The following PCDHGA7 variants were observed in gnomAD, a reference collection of about 807,000 sequenced individuals.
PCDHGA7 encodes the protein protocadherin gamma-A7.
In PCDHGA7, 44 loss-of-function variants were observed where a neutral mutation model predicts 58.3. The ratio of observed to expected loss-of-function variants is 0.75; its 90% CI spans 0.59 to 0.97. The LOEUF (loss-of-function observed/expected upper bound fraction) is 0.97. Ranked by LOEUF, PCDHGA7 falls within the 50% of genes least tolerant of loss-of-function variation. PCDHGA7 has a pLI of 0.00. For synonymous variants in PCDHGA7, 516 were observed against 504.2 expected (o/e 1.02, Z -0.31); for missense variants, 1,266 against 1,188.7 (o/e 1.06, Z -0.96).
Position 141,486,446 on chromosome 5 carries a change from G to T in PCDHGA7, c.2425-8361G>T. ...GGCCAAATCTAGCTATGACATCATGGTCACTGCTTCTGATGCTGGGAACCC... is the reference window on the plus strand; with the variant it reads ...GGCCAAATCTAGCTATGACATCATGTTCACTGCTTCTGATGCTGGGAACCC... On this transcript the variant is annotated intron_variant, in intron 1 of 3. Coordinates refer to ENST00000518325, the MANE Select transcript of PCDHGA7 (RefSeq NM_018920.4). The surrounding 1 kb of genome is among the most constrained non-coding windows in gnomAD (Gnocchi z 5.0). 2 of 1,614,126 alleles carry T rather than the reference G, an allele frequency of 1.2e-6. No individual in the cohort carries two copies. Among genetic ancestry groups the T allele is most frequent in the Non-Finnish European group, 1.7e-6 (2 of 1,180,004 alleles).
In PCDHGA7 at chr5:141,477,625, C is replaced by T; in HGVS notation, c.2425-17182C>T. ...TTCTCTTGGAGCAAGGAGCTGAAACCGGGCTAGTGGGTCGCTATTTCACAA... is the reference window on the plus strand; with the variant it reads ...TTCTCTTGGAGCAAGGAGCTGAAACTGGGCTAGTGGGTCGCTATTTCACAA... On this transcript the variant is annotated intron_variant, in intron 1 of 3. Coordinates refer to ENST00000518325, the MANE Select transcript of PCDHGA7 (RefSeq NM_018920.4). This position sits in a 1 kb window ranked among gnomAD's most constrained non-coding sequence, Gnocchi z 4.9. The T allele has an allele frequency of 1.2e-6, 2 of 1,614,200 alleles. No homozygotes were observed. Among genetic ancestry groups the T allele is most frequent in the Non-Finnish European group, 1.7e-6 (2 of 1,180,046 alleles).
chr5:141,427,995 G>C (rs1292989797), intron 1 of PCDHGA7: 2 of 1,599,590 alleles, frequency 1.3e-6, no homozygotes, highest in African/African-American at 2.7e-5. Flanking sequence ...CGATGGCTCC[G>C]CACTCTTCGA....
In PCDHGA7 at chr5:141,404,612, G is replaced by A. The variant is rs774633321; in HGVS notation, c.2424+19289G>A. 2 of 1,614,110 alleles carry A rather than the reference G, an allele frequency of 1.2e-6. No homozygotes were observed. The highest frequency in any genetic ancestry group is 3.3e-5 in the Admixed American group (2 of 60,022). ...TGTGTCATTGAGACTGTTTGTTTTG[G>A]ACCAGAATGACAATGCCCCAGAAAT... On this transcript the variant is annotated intron_variant, in intron 1 of 3. Transcript: ENST00000518325.
At chr5:141,502,768 T>C (rs1389860952) in intron 2 of PCDHGA7, among the ~76,000 whole-genome samples, 1 of 152,154 alleles carries the variant, frequency 6.6e-6, no homozygotes, top group East Asian at 1.9e-4. Context: ...GCTGGTATTC[T>C]TCTGAAAATT....
At chr5:141,480,625 G>A (rs1041569361) in intron 1 of PCDHGA7, among the ~76,000 whole-genome samples, 2 of 152,070 alleles carry the variant, frequency 1.3e-5, no homozygotes, top group Non-Finnish European at 2.9e-5. Flanking sequence ...ATTTTCCCTA[G>A]AACAATGTTT....
intron 1 of PCDHGA7, among the ~76,000 whole-genome samples, chr5:141,472,677 C>T (rs1275941416): frequency 6.6e-6 from 1 of 151,658 alleles, no homozygotes; most frequent in Non-Finnish European, 1.5e-5. Context: ...ACTGGTCCTT[C>T]CATTTCCCCT....
rs2099884159 is a variant in PCDHGA7 at position 141,512,278 on chromosome 5, G to A, written c.*1105G>A. 6.5e-6 allele frequency: 1 copy of A among 152,812 alleles called. No homozygotes were observed. Among genetic ancestry groups the A allele is most frequent in the Non-Finnish European group, 1.5e-5 (1 of 68,170 alleles). 9.5% of individuals were successfully genotyped at this position (152,812 alleles called of 1,614,324 possible). A position where few individuals can be genotyped will look rare whatever the true frequency, so the allele number is the denominator to read the frequency against. ...TGCTGGGTACTCCAGAGGTGCCACT[G>A]GTGGAAGGGTCAGCGGAGCCCCAGC... On this transcript the variant is annotated 3_prime_UTR_variant, in exon 4 of 4. Coordinates refer to ENST00000518325, the MANE Select transcript of PCDHGA7 (RefSeq NM_018920.4).
intron 1 of PCDHGA7, among the ~76,000 whole-genome samples, chr5:141,448,855 G>A (rs2098611434): frequency 6.6e-6 from 1 of 152,172 alleles, no homozygotes. Context: ...TGAGGCAGGA[G>A]AATGGCGTGA....
At chr5:141,403,655 A>T (rs1262068795) in intron 1 of PCDHGA7, 6 of 1,613,798 alleles carry the variant, frequency 3.7e-6, no homozygotes, top group Non-Finnish European at 4.2e-6. Context: ...AGTGTTGGAT[A>T]CAAATGATAA....
chr5:141,503,665 C>A (rs1210514896), intron 2 of PCDHGA7, among the ~76,000 whole-genome samples: 2 of 151,792 alleles, frequency 1.3e-5, no homozygotes, highest in African/African-American at 4.8e-5. Flanking sequence ...AATTACAACT[C>A]TTCCCACTTT....
chr5:141,478,121 G>T lies in PCDHGA7; in HGVS notation c.2425-16686G>T. On this transcript the variant is annotated intron_variant, in intron 1 of 3. Coordinates refer to ENST00000518325, the MANE Select transcript of PCDHGA7 (RefSeq NM_018920.4). ...TACCCTCACTGTGTCAGTAACCGAG[G>T]ACTCTCCTGAAGCCCGAGCCGAGTT... 2.5e-6 allele frequency: 4 copies of T among 1,614,036 alleles called. No individual in the cohort carries two copies. In the African/African-American group the frequency reaches 4.0e-5, roughly 16 times the overall value.
intron 2 of PCDHGA7, among the ~76,000 whole-genome samples, chr5:141,500,180 TTA>T (rs2099797073): frequency 7.1e-6 from 1 of 140,608 alleles, no homozygotes; most frequent in African/African-American, 2.8e-5. Flanking sequence ...AGCTTCATTT[TTA>T]TTTTTATTTA....
intron 1 of PCDHGA7, chr5:141,388,313 T>C: frequency 6.2e-7 from 1 of 1,613,738 alleles, no homozygotes; most frequent in Non-Finnish European, 8.5e-7. Flanking sequence ...TGCAAATAAG[T>C]GAGTCTGCAC....
chr5:141,403,341 C>T (rs1279947533), intron 1 of PCDHGA7: 1 of 1,613,988 alleles, frequency 6.2e-7, no homozygotes, highest in Non-Finnish European at 8.5e-7. Flanking sequence ...AACGACAGCG[C>T]CCCAAAGTTC....
At chr5:141,460,909 G>A (rs1473458228) in intron 1 of PCDHGA7, among the ~76,000 whole-genome samples, 4 of 123,246 alleles carry the variant, frequency 3.2e-5, no homozygotes, top group Non-Finnish European at 6.6e-5. Context: ...AATATTCCAT[G>A]GTGTATATAT....
chr5:141,431,189 G>A lies in PCDHGA7; in HGVS notation c.2424+45866G>A. 2 of 1,614,208 alleles carry A rather than the reference G, an allele frequency of 1.2e-6. No homozygotes were observed. The highest frequency in any genetic ancestry group is 1.7e-6 in the Non-Finnish European group (2 of 1,180,036). On this transcript the variant is annotated intron_variant, in intron 1 of 3. Transcript: ENST00000518325. This position sits in a 1 kb window ranked among gnomAD's most constrained non-coding sequence, Gnocchi z 4.8. ...AAGTGAATTAGAAATAAAAATTAGT[G>A]AAAATGCAGCCACTGAGATGCGGTT...
rs753030509 is a variant in PCDHGA7, at chr5:141,431,672, G to A, written c.2424+46349G>A. On this transcript the variant is annotated intron_variant, in intron 1 of 3. Transcript: ENST00000518325. The surrounding 1 kb of genome is among the most constrained non-coding windows in gnomAD (Gnocchi z 4.8). ...TAATTCAGGGACAATATCAACAATA[G>A]GGGAGTTGGACCACGAGGAGTCAGG... The A allele has an allele frequency of 9.3e-6, 15 of 1,614,110 alleles. No homozygotes were observed. Among genetic ancestry groups the A allele is most frequent in the African/African-American group, 4.0e-5 (3 of 74,948 alleles).
chr5:141,413,050 G>C (rs868475186), intron 1 of PCDHGA7: 5 of 939,920 alleles, frequency 5.3e-6, no homozygotes, highest in Middle Eastern at 3.3e-4. Flanking sequence ...CTGCAGGGAA[G>C]CTCACTCCAG....
At position 141,476,128 on chromosome 5, in the gene PCDHGA7, G is replaced by A. The variant is rs1450094771; in HGVS notation, c.2425-18679G>A. 1 of 1,606,456 alleles carries A rather than the reference G, an allele frequency of 6.2e-7. No homozygotes were observed. Among genetic ancestry groups the A allele is most frequent in the African/African-American group, 1.3e-5 (1 of 74,874 alleles). On this transcript the variant is annotated intron_variant, in intron 1 of 3. Transcript: ENST00000518325. The surrounding 1 kb of genome is among the most constrained non-coding windows in gnomAD (Gnocchi z 7.6). ...TGCTTTTGAGTGAGATGGTCCCAGA[G>A]GCCTGGAGGAGCGGACTGGTAAGCA...
Sources: allele counts gnomAD v4.1 joint callset (sites outside exome capture counted in the v4.1 genomes callset), GRCh38; gene constraint gnomAD v4.1.1; non-coding constraint Gnocchi (gnomAD v3.1); transcripts MANE v1.5; gene names NCBI Gene and HGNC (gene_info 2026-07-23, HGNC 2026-07-21).